Variants in GLIS3 observed in about 807,000 individuals in gnomAD.
GLIS3 encodes the protein zinc finger protein GLIS3.
Under a neutral mutation model 78.6 loss-of-function variants are expected in GLIS3, and 53 were observed. The observed-to-expected ratio is 0.67, with a 90% CI of 0.54 to 0.85. The LOEUF (loss-of-function observed/expected upper bound fraction) is 0.85, where lower values mean the gene tolerates loss of function less well. Among genes scored for constraint, GLIS3 ranks in the 40% least tolerant of loss-of-function variants. GLIS3 has a pLI of 0.00. For synonymous variants in GLIS3, 684 were observed against 509.9 expected, an observed-to-expected ratio of 1.34 and a Z score of -4.60; for missense variants, 1,703 against 1,231.1, an observed-to-expected ratio of 1.38 and a Z score of -5.74.
the GLIS3 span, among the ~76,000 whole-genome samples, chr9:4,441,113 C>G: frequency 2.0e-5 from 3 of 152,278 alleles, no homozygotes; most frequent in South Asian, 6.2e-4. Context: ...GATAATTTTA[C>G]TTCCTCCTTT....
intron 2 of GLIS3, among the ~76,000 whole-genome samples, chr9:4,159,929 A>G (rs900560160): frequency 1.2e-4 from 18 of 152,176 alleles, no homozygotes; most frequent in African/African-American, 4.1e-4. Flanking sequence ...TTATTTATAC[A>G]GTATTTCAAC....
the GLIS3 span, among the ~76,000 whole-genome samples, chr9:4,432,797 C>A: frequency 4.7e-4 from 72 of 151,982 alleles, no homozygotes; most frequent in Admixed American, 2.5e-3. Flanking sequence ...CCCGCCACCA[C>A]GCCCGGCTAA....
At chr9:4,066,669 C>T (rs1444338281) in intron 4 of GLIS3, among the ~76,000 whole-genome samples, 1 of 152,230 alleles carries the variant, frequency 6.6e-6, no homozygotes, top group African/African-American at 2.4e-5. Flanking sequence ...CTCTGCCGTA[C>T]TACAGCTGGA....
chr9:4,229,346 T>C lies in GLIS3; in HGVS notation c.388+56692A>G, dbSNP rs139198804. Among the ~76,000 whole-genome samples, 95 of 152,368 alleles carry C rather than the reference T, an allele frequency of 6.2e-4. No homozygotes were observed. The East Asian group carries it at 0.011, about 18-fold the overall frequency. ...AGATAAATACTAATTTTGAAAACAA[T>C]AGTTAATATTAAACTATTGTACATA... On this transcript the variant is annotated intron_variant, in intron 2 of 10. Transcript: ENST00000381971.
intron 4 of GLIS3, among the ~76,000 whole-genome samples, chr9:3,967,229 C>T (rs568267305): frequency 4.6e-5 from 7 of 152,238 alleles, no homozygotes; most frequent in African/African-American, 7.2e-5. Flanking sequence ...TCCTGCTGGG[C>T]GTGGTGGCCC....
intron 1 of GLIS3, among the ~76,000 whole-genome samples, chr9:4,291,149 T>C (rs1399927049): frequency 6.6e-6 from 1 of 152,146 alleles, no homozygotes; most frequent in East Asian, 1.9e-4. Flanking sequence ...GGCCTAACGT[T>C]GGTAATTCTA....
intron 8 of GLIS3, among the ~76,000 whole-genome samples, chr9:3,867,376 G>GTAT (rs1183141918): frequency 3.3e-5 from 5 of 152,232 alleles, no homozygotes; most frequent in African/African-American, 2.4e-5. Flanking sequence ...TCAGGGGAGT[G>GTAT]TATTTAAGAA....
chr9:4,315,598 C>A (rs1169375727), intron 2 of GLIS3, among the ~76,000 whole-genome samples: 1 of 152,140 alleles, frequency 6.6e-6, no homozygotes, highest in Non-Finnish European at 1.5e-5. Context: ...ATGGAAAACT[C>A]TTTTCATGGA....
chr9:4,361,130 T>A, the GLIS3 span, among the ~76,000 whole-genome samples: 3 of 152,208 alleles, frequency 2.0e-5, no homozygotes, highest in African/African-American at 7.2e-5. Flanking sequence ...ATGCACTCAT[T>A]CCTGGGAGTG....
the GLIS3 span, among the ~76,000 whole-genome samples, chr9:4,416,821 T>TTG: frequency 2.3e-4 from 33 of 143,728 alleles, 2 homozygotes; most frequent in East Asian, 4.6e-3. Flanking sequence ...AGTTTTTTTT[T>TTG]TTTTTTTTTT....
intron 3 of GLIS3, among the ~76,000 whole-genome samples, chr9:4,309,237 A>G (rs536631598): frequency 6.8e-4 from 104 of 152,362 alleles, no homozygotes; most frequent in African/African-American, 2.5e-3. Flanking sequence ...TGCTGTCTAC[A>G]TAATAGGCAC....
intron 9 of GLIS3, among the ~76,000 whole-genome samples, chr9:3,852,500 C>G (rs1819498378): frequency 6.6e-6 from 1 of 152,168 alleles, no homozygotes; most frequent in South Asian, 2.1e-4. Context: ...GCAAACTCGT[C>G]CAACAAAAGC....
chr9:4,212,581 T>A (rs1481221028), intron 2 of GLIS3, among the ~76,000 whole-genome samples: 1 of 152,158 alleles, frequency 6.6e-6, no homozygotes, highest in Non-Finnish European at 1.5e-5. Context: ...AGGTGGCGCC[T>A]CTCACCTTGA....
At chr9:4,175,093 G>C (rs1256719387) in intron 2 of GLIS3, among the ~76,000 whole-genome samples, 1 of 152,136 alleles carries the variant, frequency 6.6e-6, no homozygotes, top group East Asian at 1.9e-4. Flanking sequence ...TTTAAGCAGG[G>C]AGTTTCCTCA....
the GLIS3 span, among the ~76,000 whole-genome samples, chr9:4,385,740 A>G: frequency 9.7e-5 from 4 of 41,084 alleles, 1 homozygote; most frequent in African/African-American, 5.9e-4. Flanking sequence ...AGAAAGAAAA[A>G]GAAAGAAAGA....
chr9:3,845,581 T>C (rs1818978075), intron 9 of GLIS3, among the ~76,000 whole-genome samples: 2 of 152,172 alleles, frequency 1.3e-5, no homozygotes, highest in Non-Finnish European at 2.9e-5. Flanking sequence ...AGTAAGAATT[T>C]GTAAATTGTA....
the GLIS3 span, among the ~76,000 whole-genome samples, chr9:4,481,362 T>C: frequency 6.6e-6 from 1 of 152,080 alleles, no homozygotes; most frequent in Non-Finnish European, 1.5e-5. Flanking sequence ...TGTGTGCCTG[T>C]AATCCCAGCT....
At chr9:3,999,162 T>C (rs1458208593) in intron 4 of GLIS3, among the ~76,000 whole-genome samples, 2 of 152,184 alleles carry the variant, frequency 1.3e-5, no homozygotes, top group African/African-American at 2.4e-5. Flanking sequence ...GGCTATGCCA[T>C]GGTAATTGAA....
intron 4 of GLIS3, among the ~76,000 whole-genome samples, chr9:3,988,695 C>T (rs1047590408): frequency 6.6e-6 from 1 of 151,828 alleles, no homozygotes; most frequent in Non-Finnish European, 1.5e-5. Flanking sequence ...AGCCATCAAG[C>T]ACGCATAGAC....
Sources: gnomAD v4.1 joint callset for allele counts (sites outside exome capture counted in the v4.1 genomes callset) on GRCh38, gnomAD v4.1.1 for gene constraint, MANE v1.5 for transcripts, NCBI Gene and HGNC (gene_info 2026-07-23, HGNC 2026-07-21) for gene names.